The following MYPN variants were observed in gnomAD, a reference collection of about 807,000 sequenced individuals.
The protein encoded by MYPN is sarcomeric protein myopalladin, 145 kDa (MYOP).
A neutral mutation model predicts 129.4 loss-of-function variants in MYPN; 63 were observed. The observed-to-expected ratio is 0.49, with a 90% CI of 0.40 to 0.60. The LOEUF (loss-of-function observed/expected upper bound fraction) is 0.60, where lower values mean the gene tolerates loss of function less well. Among genes scored for constraint, MYPN ranks in the 20% least tolerant of loss-of-function variants. The probability of loss-of-function intolerance (pLI) is 0.00; values close to 1 mark genes in which losing one functional copy is unlikely to be tolerated. For missense variants in MYPN, 1,596 were observed against 1,635.4 expected (o/e 0.98, Z 0.42); for synonymous variants, 629 against 600.9 (o/e 1.05, Z -0.68).
At chr10:68,093,359 G>C (rs950996049) in intron 1 of MYPN, among the ~76,000 whole-genome samples, 3 of 152,168 alleles carry the variant, frequency 2.0e-5, no homozygotes, top group East Asian at 3.9e-4. Flanking sequence ...AAGGGGTCTC[G>C]ATCCAGACCC....
chr10:68,178,763 T>C (rs1165460031), intron 12 of MYPN, among the ~76,000 whole-genome samples: 1 of 151,810 alleles, frequency 6.6e-6, no homozygotes, highest in South Asian at 2.1e-4. Flanking sequence ...GGAGCTTTCA[T>C]GACAAATGAT....
intron 7 of MYPN, among the ~76,000 whole-genome samples, chr10:68,160,863 G>A (rs1589572293): frequency 1.3e-5 from 2 of 152,190 alleles, no homozygotes; most frequent in Admixed American, 6.5e-5. Flanking sequence ...GTTGCAGTGA[G>A]CCAAGATCTT....
chr10:68,104,745 A>T (rs754632867), upstream of MYPN, among the ~76,000 whole-genome samples: 1 of 151,986 alleles, frequency 6.6e-6, no homozygotes, highest in Non-Finnish European at 1.5e-5. Flanking sequence ...GTTCCCTTAG[A>T]ATATTTACTA....
chr10:68,092,474 G>A (rs1393586886), intron 1 of MYPN, among the ~76,000 whole-genome samples: 1 of 150,554 alleles, frequency 6.6e-6, no homozygotes, highest in African/African-American at 2.4e-5. Flanking sequence ...CAGCCTGGGG[G>A]ACAAGAGTGA....
At chr10:68,165,957 T>C (rs1230698498) in intron 9 of MYPN, 139 bp downstream of exon 9, 2 of 869,234 alleles carry the variant, frequency 2.3e-6, no homozygotes, top group Non-Finnish European at 3.8e-6. Flanking sequence ...TTGAGGAAAA[T>C]GTTCTTGAAC....
intron 1 of MYPN, among the ~76,000 whole-genome samples, chr10:68,115,843 A>G (rs549554553): frequency 6.6e-6 from 1 of 152,166 alleles, no homozygotes; most frequent in Non-Finnish European, 1.5e-5. Context: ...TGACTTAAAC[A>G]TACAAAACAC....
chr10:68,134,528 G>A (rs1466483074), intron 2 of MYPN, among the ~76,000 whole-genome samples: 1 of 152,192 alleles, frequency 6.6e-6, no homozygotes, highest in African/African-American at 2.4e-5. Context: ...CAGACATGGT[G>A]GCTCATGCCC....
intron 2 of MYPN, among the ~76,000 whole-genome samples, chr10:68,133,272 G>C (rs1429583971): frequency 6.6e-6 from 1 of 152,020 alleles, no homozygotes; most frequent in Non-Finnish European, 1.5e-5. Context: ...CAATCCACTT[G>C]CCTCAGCCTC....
At chr10:68,167,141 A>G (rs965597537) in intron 10 of MYPN, among the ~76,000 whole-genome samples, 1 of 152,208 alleles carries the variant, frequency 6.6e-6, no homozygotes, top group East Asian at 1.9e-4. Context: ...GCATGCTATC[A>G]CTATTATCCT....
chr10:68,192,143 A>C (rs967168333), intron 13 of MYPN, among the ~76,000 whole-genome samples: 46 of 152,160 alleles, frequency 3.0e-4, no homozygotes, highest in African/African-American at 1.1e-3. Flanking sequence ...TGGGTTTGTC[A>C]TATATGGACT....
rs546434497 is a variant in MYPN at position 68,174,568 on chromosome 10, C to A, written c.2476C>A (p.Pro826Thr). Residue 826 changes from proline to threonine, a missense_variant, in exon 11 of 20, where the codon CCA (proline) becomes ACA (threonine). By Grantham distance (38) the Pro-to-Thr change is conservative. Coordinates refer to ENST00000358913, the MANE Select transcript of MYPN (RefSeq NM_032578.4). ...PVSPTSRIQNPVAFLSSVLPS... is the reference protein window; with the variant it reads ...PVSPTSRIQNTVAFLSSVLPS... ...CTCTCCTACCAGCCGGATTCAGAAC[C>A]CAGTGGCTTTCCTCAGCTCTGTTCT... 8.7e-6 allele frequency: 14 copies of A among 1,614,150 alleles called. No homozygotes were observed. The East Asian group carries it at 2.7e-4, about 31-fold the overall frequency.
chr10:68,188,546 A>T (rs1325980833), intron 12 of MYPN, among the ~76,000 whole-genome samples: 1 of 152,176 alleles, frequency 6.6e-6, no homozygotes, highest in Non-Finnish European at 1.5e-5. Context: ...ATCAGAATGC[A>T]GTTCAGAATG....
intron 13 of MYPN, among the ~76,000 whole-genome samples, chr10:68,190,701 T>G (rs563803768): frequency 4.7e-4 from 72 of 152,360 alleles, no homozygotes; most frequent in African/African-American, 1.6e-3. Flanking sequence ...TAATCCAATT[T>G]GTCTATTTTT....
upstream of MYPN, chr10:68,106,533 G>A (rs749437296): frequency 7.8e-6 from 5 of 637,660 alleles, no homozygotes; most frequent in East Asian, 2.8e-5. Flanking sequence ...TCAAAAATAC[G>A]GCATAGAGGT....
chr10:68,188,619 G>GA (rs1305946448), intron 12 of MYPN, among the ~76,000 whole-genome samples: 1 of 152,150 alleles, frequency 6.6e-6, no homozygotes, highest in Admixed American at 6.5e-5. Flanking sequence ...TAGTAGCTCT[G>GA]AAAATTATAT....
intron 6 of MYPN, among the ~76,000 whole-genome samples, chr10:68,156,954 A>G (rs10997958): frequency 0.053 from 8,045 of 152,312 alleles, 260 homozygotes; most frequent in Middle Eastern, 0.065. Context: ...AAAATATGCC[A>G]ATACATGTGC....
intron 6 of MYPN, among the ~76,000 whole-genome samples, chr10:68,151,941 A>T (rs2042778016): frequency 6.6e-6 from 1 of 152,206 alleles, no homozygotes; most frequent in African/African-American, 2.4e-5. Context: ...GATTCTGAGA[A>T]CATATGCCAA....
In MYPN at chr10:68,208,029, C is replaced by G. The variant is rs1000198722; in HGVS notation, c.3793+1126C>G. 5.9e-5 allele frequency among the ~76,000 whole-genome samples: 9 copies of G among 152,262 alleles called. No homozygotes were observed. In the East Asian group the frequency reaches 1.7e-3, roughly 29 times the overall value. The stretch of plus-strand genomic sequence containing the variant: ...TAGGCCTTTGCATTGTTTCTTTGAA[C>G]CACATTTCCAATTTTCAAAAGGATC... On this transcript the variant is annotated intron_variant, in intron 19 of 19. Coordinates refer to ENST00000358913, the MANE Select transcript of MYPN (RefSeq NM_032578.4).
chr10:68,140,371 C>T (rs539980638), intron 2 of MYPN, among the ~76,000 whole-genome samples: 2 of 152,260 alleles, frequency 1.3e-5, no homozygotes, highest in Non-Finnish European at 2.9e-5. Context: ...ACTGTGGATG[C>T]TTGCAAGAGC....
Sources: allele counts gnomAD v4.1 joint callset (sites outside exome capture counted in the v4.1 genomes callset), GRCh38; gene constraint gnomAD v4.1.1; transcripts MANE v1.5; gene names NCBI Gene and HGNC (gene_info 2026-07-23, HGNC 2026-07-21).